Variants in WWOX observed in about 807,000 individuals in gnomAD.
WWOX encodes the protein WW domain-containing oxidoreductase.
In WWOX, 69 loss-of-function variants were observed where a neutral mutation model predicts 46.2. The ratio of observed to expected loss-of-function variants is 1.49; its 90% CI spans 1.23 to 1.82. The LOEUF (loss-of-function observed/expected upper bound fraction) is 1.82. WWOX is among the 40% of genes most tolerant of loss of function. The probability of loss-of-function intolerance (pLI) is 0.00; values close to 1 mark genes in which losing one functional copy is unlikely to be tolerated. For missense variants in WWOX, 919 were observed against 542.6 expected (o/e 1.69, Z -6.89); for synonymous variants, 359 against 202.6 (o/e 1.77, Z -6.56).
intron 5 of WWOX, among the ~76,000 whole-genome samples, chr16:78,288,624 C>G (rs1345605883): frequency 6.6e-6 from 1 of 152,148 alleles, no homozygotes; most frequent in African/African-American, 2.4e-5. Flanking sequence ...TTAGAAGAGC[C>G]TGATACATTT....
intron 8 of WWOX, among the ~76,000 whole-genome samples, chr16:78,675,539 A>G (rs1436400781): frequency 6.6e-6 from 1 of 152,220 alleles, no homozygotes; most frequent in Non-Finnish European, 1.5e-5. Flanking sequence ...ACAAATATTT[A>G]TTTTGAGAGC....
At chr16:78,123,440 G>GTTTTGTTTTGTTTTTTTTTTTTTT (rs1567584444) in intron 4 of WWOX, 13 of 50,478 alleles carry the variant, frequency 2.6e-4, no homozygotes, top group Admixed American at 7.2e-4. Context: ...TTTTTGTTTT[G>GTTTTGTTTTGTTTTTTTTTTTTTT]TTTTTTTTTT....
chr16:79,107,869 A>C (rs1446381207), intron 8 of WWOX, among the ~76,000 whole-genome samples: 1 of 152,240 alleles, frequency 6.6e-6, no homozygotes, highest in Non-Finnish European at 1.5e-5. Flanking sequence ...CAGAGATGAT[A>C]CTACAGTTAT....
intron 4 of WWOX, among the ~76,000 whole-genome samples, chr16:78,134,810 C>G (rs1035305395): frequency 1.1e-4 from 16 of 152,238 alleles, no homozygotes; most frequent in African/African-American, 3.6e-4. Context: ...CTATGTTTTT[C>G]TCCATGTTAG....
intron 8 of WWOX, among the ~76,000 whole-genome samples, chr16:79,196,638 C>G (rs1341476394): frequency 6.6e-6 from 1 of 152,184 alleles, no homozygotes; most frequent in African/African-American, 2.4e-5. Context: ...TCCATTCCTT[C>G]TTCCCCCACC....
intron 8 of WWOX, among the ~76,000 whole-genome samples, chr16:78,598,913 C>G (rs1164096572): frequency 1.3e-5 from 2 of 152,176 alleles, no homozygotes; most frequent in East Asian, 1.9e-4. Flanking sequence ...ATAGCTCACT[C>G]AGATTCCCGC....
chr16:78,428,393 C>G (rs1011082583), intron 7 of WWOX, among the ~76,000 whole-genome samples: 5 of 152,162 alleles, frequency 3.3e-5, no homozygotes, highest in African/African-American at 9.7e-5. Flanking sequence ...GGAGGACTGT[C>G]AGTGCTAGCT....
intron 5 of WWOX, among the ~76,000 whole-genome samples, chr16:78,241,537 C>G (rs906980503): frequency 6.6e-6 from 1 of 152,232 alleles, no homozygotes; most frequent in African/African-American, 2.4e-5. Flanking sequence ...TGGGGAAGTT[C>G]AAGCAATTCT....
At chr16:78,978,759 T>C (rs1237310322) in intron 8 of WWOX, among the ~76,000 whole-genome samples, 1 of 152,164 alleles carries the variant, frequency 6.6e-6, no homozygotes, top group Non-Finnish European at 1.5e-5. Context: ...GAGAACTCTC[T>C]CACTGGGACA....
chr16:78,792,146 C>T (rs2050619539), intron 8 of WWOX, among the ~76,000 whole-genome samples: 2 of 152,112 alleles, frequency 1.3e-5, no homozygotes, highest in Non-Finnish European at 2.9e-5. Flanking sequence ...CACCATTAGA[C>T]CTCAGTGGCC....
chr16:78,412,799 G>C (rs28707667), intron 6 of WWOX, among the ~76,000 whole-genome samples: 40,054 of 152,124 alleles, frequency 0.26, 10,679 homozygotes, highest in African/African-American at 0.68. Context: ...ATGAGAAGTA[G>C]ATTTGGGTCA....
rs2047128649 is a variant in WWOX at position 79,003,263 on chromosome 16, C to T, written c.1057-208345C>T. ...TAATGCAGCATAGTATAAAAATAGG[C>T]AATGAAACTGAAAGGCAATCAAAGT... On this transcript the variant is annotated intron_variant, in intron 8 of 8. Coordinates refer to ENST00000566780, the MANE Select transcript of WWOX (RefSeq NM_016373.4). Among the ~76,000 whole-genome samples, 2 of 152,078 alleles carry T rather than the reference C, an allele frequency of 1.3e-5. 1 individual carries two copies. The highest frequency in any genetic ancestry group is 1.3e-4 in the Admixed American group (2 of 15,278).
chr16:78,728,232 T>A (rs967919191), intron 8 of WWOX, among the ~76,000 whole-genome samples: 7 of 151,582 alleles, frequency 4.6e-5, no homozygotes, highest in Non-Finnish European at 8.8e-5. Context: ...ACCTAGTTGA[T>A]TTTTGTATTT....
rs530806098 is a variant in WWOX at position 78,883,171 on chromosome 16, C to A, written c.1057-328437C>A. 4.6e-4 allele frequency among the ~76,000 whole-genome samples: 70 copies of A among 152,232 alleles called. No homozygotes were observed. In the South Asian group the frequency reaches 6.0e-3, roughly 13 times the overall value. On this transcript the variant is annotated intron_variant, in intron 8 of 8. Coordinates refer to ENST00000566780, the MANE Select transcript of WWOX (RefSeq NM_016373.4). The stretch of plus-strand genomic sequence containing the variant: ...CCTAGGCACAAAATAACTCAGAAAA[C>A]AGTGATAAAAGTTGTGATTGTGGTT...
chr16:79,029,396 C>A (rs564082358), intron 8 of WWOX, among the ~76,000 whole-genome samples: 1 of 152,176 alleles, frequency 6.6e-6, no homozygotes, highest in African/African-American at 2.4e-5. Context: ...CCCATCATGT[C>A]CATCAGCACC....
chr16:78,214,468 T>G (rs928540689), intron 5 of WWOX, among the ~76,000 whole-genome samples: 1 of 152,206 alleles, frequency 6.6e-6, no homozygotes, highest in Admixed American at 6.5e-5. Context: ...GGTCGCTGTC[T>G]GCACTCCCAC....
At chr16:78,243,471 G>A (rs913104348) in intron 5 of WWOX, among the ~76,000 whole-genome samples, 7 of 152,236 alleles carry the variant, frequency 4.6e-5, no homozygotes, top group Non-Finnish European at 8.8e-5. Context: ...CAGGTCAGAA[G>A]CATGGTACCC....
chr16:79,013,218 C>A (rs1004270482), intron 8 of WWOX, among the ~76,000 whole-genome samples: 1 of 152,166 alleles, frequency 6.6e-6, no homozygotes, highest in Non-Finnish European at 1.5e-5. Context: ...AGGAAGAGGC[C>A]TTCCTCTGTG....
intron 8 of WWOX, among the ~76,000 whole-genome samples, chr16:78,531,779 A>G (rs2043628708): frequency 6.6e-6 from 1 of 152,020 alleles, no homozygotes; most frequent in Admixed American, 6.6e-5. Flanking sequence ...AATCACTTGA[A>G]CTCCAGAGGC....
Sources: gnomAD v4.1 joint callset for allele counts (sites outside exome capture counted in the v4.1 genomes callset) on GRCh38, gnomAD v4.1.1 for gene constraint, MANE v1.5 for transcripts, NCBI Gene and HGNC (gene_info 2026-07-23, HGNC 2026-07-21) for gene names.